The following STARD9 variants were observed in gnomAD, a reference collection of about 807,000 sequenced individuals.
STARD9 encodes the protein stAR-related lipid transfer protein 9.
In STARD9, 346 loss-of-function variants were observed where a neutral mutation model predicts 399.8. That is an observed-to-expected ratio of 0.87 (90% CI 0.79 to 0.95). The LOEUF is 0.95. STARD9 is among the 40% of genes least tolerant of loss of function. The probability of loss-of-function intolerance (pLI) is 0.00; values close to 1 mark genes in which losing one functional copy is unlikely to be tolerated. For missense variants in STARD9, 5,832 were observed against 5,667.5 expected (o/e 1.03, Z -0.93); for synonymous variants, 2,203 against 2,143.5 (o/e 1.03, Z -0.77).
In STARD9 at chr15:42,607,665, C is replaced by CACACTTAT. The variant is rs1346331974; in HGVS notation, c.234+22032_234+22033insTTATACAC. Among the ~76,000 whole-genome samples the CACACTTAT allele has an allele frequency of 4.7e-5, 7 of 150,478 alleles. No homozygotes were observed. The South Asian group carries it at 6.3e-4, about 14-fold the overall frequency. ...ACACACACTTATACACACACACACA[C>CACACTTAT]ACACACACACACACACACACAAATA... is the stretch of plus-strand genomic sequence containing the variant. On this transcript the variant is annotated intron_variant, in intron 3 of 32. Coordinates refer to ENST00000290607, the MANE Select transcript of STARD9 (RefSeq NM_020759.3).
At chr15:42,712,072 A>ATATATAT (rs2061235160) in intron 26 of STARD9, among the ~76,000 whole-genome samples, 1 of 2,370 alleles carries the variant, frequency 4.2e-4, no homozygotes, top group Non-Finnish European at 8.1e-4. Context: ...TTTTATATAT[A>ATATATAT]TATATATATT....
Position 42,691,350 on chromosome 15 carries a change from C to T in STARD9, c.9772C>T (p.Pro3258Ser). Residue 3258 changes from proline (P) to serine (S), a missense_variant, in exon 23 of 33, where the codon CCT becomes TCT. By Grantham distance (74) the Pro-to-Ser change is moderately conservative. Transcript: ENST00000290607. ...AGAGGAGGTGGCTGTGGCCAAGCCT[C>T]CTGTGTCCAAGATTTTATCACAGGG... Reference protein sequence around the residue: ...GREEVAVAKPPVSKILSQGFK... With the variant: ...GREEVAVAKPSVSKILSQGFK... The T allele has an allele frequency of 6.5e-7, 1 of 1,537,208 alleles. No homozygotes were observed. The highest frequency in any genetic ancestry group is 8.7e-7 in the Non-Finnish European group (1 of 1,146,894).
rs2060267799 is a variant in STARD9, at chr15:42,674,447, C to A, written c.1505C>A (p.Thr502Lys). ...GCTTTTTTCCCCCTTTAGGAAGGGA[C>A]AACAAAAATAGGAAGGATTGACTCA... ...GVVLYHLKEG[T>K]TKIGRIDSDQ... Residue 502 changes from threonine (T) to lysine (K), a missense_variant, in exon 17 of 33, where the codon ACA (threonine) becomes AAA (lysine). By Grantham distance (78) the Thr-to-Lys change is moderately conservative (BLOSUM62 -1). Coordinates refer to ENST00000290607, the MANE Select transcript of STARD9 (RefSeq NM_020759.3). 6.5e-7 allele frequency: 1 copy of A among 1,536,978 alleles called. No individual in the cohort carries two copies. The highest frequency in any genetic ancestry group is 1.7e-4 in the Middle Eastern group (1 of 5,990).
In STARD9 at chr15:42,692,782, G is replaced by A; in HGVS notation, c.11204G>A (p.Gly3735Asp). The A allele has an allele frequency of 1.3e-6, 2 of 1,537,134 alleles. No homozygotes were observed. Among genetic ancestry groups the A allele is most frequent in the Non-Finnish European group, 1.7e-6 (2 of 1,146,890 alleles). Reference sequence around the variant, plus strand: ...TCTACTCAGACCACTGTGGATGAGGGCAGCCAGACTGACCTCACCTTACCC... The same window carrying A: ...TCTACTCAGACCACTGTGGATGAGGACAGCCAGACTGACCTCACCTTACCC... The part of the protein sequence containing the change: ...DGSTQTTVDE[G>D]SQTDLTLPTL... The change falls in exon 23 of 33, where the codon GGC becomes GAC. Residue 3735 changes from glycine (G) to aspartate (D), a missense_variant. Transcript: ENST00000290607.
At chr15:42,661,682 C>A (rs1168764964) in intron 10 of STARD9, among the ~76,000 whole-genome samples, 1 of 151,960 alleles carries the variant, frequency 6.6e-6, no homozygotes, top group African/African-American at 2.4e-5. Flanking sequence ...GCCTCGCACT[C>A]CTGGCCTTGG....
chr15:42,707,413 A>G (rs546449671), intron 26 of STARD9, among the ~76,000 whole-genome samples: 3 of 152,166 alleles, frequency 2.0e-5, no homozygotes, highest in African/African-American at 7.2e-5. Flanking sequence ...TATTAATACT[A>G]TGCAAGACTC....
intron 4 of STARD9, among the ~76,000 whole-genome samples, chr15:42,636,057 G>T (rs1024898908): frequency 5.3e-5 from 8 of 152,158 alleles, no homozygotes; most frequent in African/African-American, 1.9e-4. Context: ...ACACTTTGGG[G>T]TGGCTGAGGC....
intron 26 of STARD9, among the ~76,000 whole-genome samples, chr15:42,705,954 T>C (rs887376590): frequency 6.6e-6 from 1 of 152,070 alleles, no homozygotes; most frequent in African/African-American, 2.4e-5. Context: ...GGTTTCACCA[T>C]GTTGGCCAGG....
chr15:42,640,714 G>T (rs563158318), intron 7 of STARD9, among the ~76,000 whole-genome samples: 1 of 151,444 alleles, frequency 6.6e-6, no homozygotes, highest in Admixed American at 6.6e-5. Context: ...CCAGCTACTC[G>T]TGAGGCTGAG....
chr15:42,639,560 C>G (rs1451162950), intron 7 of STARD9, among the ~76,000 whole-genome samples: 2 of 152,154 alleles, frequency 1.3e-5, no homozygotes, highest in Admixed American at 1.3e-4. Flanking sequence ...TTCCAGGCCA[C>G]TTATAAGAAG....
At position 42,686,447 on chromosome 15, in the gene STARD9, A is replaced by C. The variant is rs769850005; in HGVS notation, c.4869A>C (p.Glu1623Asp). 12 of 1,537,832 alleles carry C rather than the reference A, an allele frequency of 7.8e-6. No homozygotes were observed. The South Asian group carries it at 1.3e-4, about 17-fold the overall frequency. Residue 1623 changes from glutamate (E) to aspartate (D), a missense_variant, in exon 23 of 33, where the codon GAA (glutamate) becomes GAC (aspartate). Glu to Asp is a conservative substitution (Grantham distance 45). Coordinates refer to ENST00000290607, the MANE Select transcript of STARD9 (RefSeq NM_020759.3). ...CAGATTCCATGACAGAAGCATGTGA[A>C]GTCAAGCAGAACAACTTGGAAGAAT... ...AIPDSMTEAC[E>D]VKQNNLEECL...
intron 26 of STARD9, among the ~76,000 whole-genome samples, chr15:42,702,594 A>G (rs1332829099): frequency 6.6e-6 from 1 of 152,192 alleles, no homozygotes; most frequent in Non-Finnish European, 1.5e-5. Context: ...AGAGTTTTCT[A>G]AATTTGTCTG....
At chr15:42,630,435 A>C (rs1459364871) in intron 3 of STARD9, among the ~76,000 whole-genome samples, 3 of 152,216 alleles carry the variant, frequency 2.0e-5, no homozygotes, top group African/African-American at 7.2e-5. Flanking sequence ...TTTTGGTATC[A>C]GGGTAATACT....
Position 42,682,951 on chromosome 15 carries a change from A to C in STARD9, c.2537+376A>C, listed in dbSNP as rs1054964129. On this transcript the variant is annotated intron_variant, in intron 22 of 32. Coordinates refer to ENST00000290607, the MANE Select transcript of STARD9 (RefSeq NM_020759.3). ...AACCAGACTTCTTGACTCCTACACC[A>C]CCTCCCTCCCTCTCCCTCCTCGACC... 2.0e-5 allele frequency among the ~76,000 whole-genome samples: 3 copies of C among 148,876 alleles called. No individual in the cohort carries two copies. The South Asian group carries it at 6.4e-4, about 32-fold the overall frequency.
chr15:42,694,438 G>A, intron 23 of STARD9, 90 bp from the exon 24 acceptor site: 3 of 1,524,722 alleles, frequency 2.0e-6, no homozygotes, highest in East Asian at 2.4e-5. Flanking sequence ...CTCTGCCCTG[G>A]TTCATCTCTG....
Position 42,663,344 on chromosome 15 carries a change from A to G in STARD9, c.932A>G (p.Asp311Gly), listed in dbSNP as rs2060026204. The change falls in exon 12 of 33, where the codon GAC becomes GGC. Residue 311 changes from aspartate (D) to glycine (G), a missense_variant. Asp to Gly is a moderately conservative substitution (Grantham distance 94). Transcript: ENST00000290607. ...SLNSSVSNGG[D>G]SGILSSPSGT... ...AACAGCTCAGTCAGCAATGGTGGTG[A>G]CAGTGGGATCCTTAGCTCTCCTTCT... 3 of 1,537,314 alleles carry G rather than the reference A, an allele frequency of 2.0e-6. No homozygotes were observed. The highest frequency in any genetic ancestry group is 2.4e-5 in the South Asian group (2 of 84,062).
intron 3 of STARD9, among the ~76,000 whole-genome samples, chr15:42,610,054 C>G (rs1406031879): frequency 6.6e-6 from 1 of 152,048 alleles, no homozygotes; most frequent in Admixed American, 6.6e-5. Context: ...GATCACGGCA[C>G]TGAACTCCAG....
At chr15:42,596,015 ATGTT>A (rs1566860135) in intron 3 of STARD9, among the ~76,000 whole-genome samples, 2 of 152,240 alleles carry the variant, frequency 1.3e-5, no homozygotes, top group South Asian at 4.1e-4. Context: ...ATTCTTGACA[ATGTT>A]TGCTGCTCGT....
chr15:42,653,694 A>C (rs541990395), intron 9 of STARD9, among the ~76,000 whole-genome samples: 20 of 152,312 alleles, frequency 1.3e-4, no homozygotes, highest in Admixed American at 1.2e-3. Flanking sequence ...CAGCAGACTT[A>C]CCTGACAAGA....
Sources: gnomAD v4.1 joint callset for allele counts (sites outside exome capture counted in the v4.1 genomes callset) on GRCh38, gnomAD v4.1.1 for gene constraint, MANE v1.5 for transcripts, NCBI Gene and HGNC (gene_info 2026-07-23, HGNC 2026-07-21) for gene names.